DERA: variants seen among roughly 807,000 people sequenced by gnomAD.
DERA encodes the protein 2-deoxy-D-ribose 5-phosphate aldolase.
In DERA, 15 loss-of-function variants were observed where a neutral mutation model predicts 41.1. The ratio of observed to expected loss-of-function variants is 0.37; its 90% CI spans 0.24 to 0.56. DERA has a LOEUF of 0.56. DERA is among the 20% of genes least tolerant of loss of function. DERA has a pLI of 0.81. For synonymous variants in DERA, 139 were observed against 137.4 expected (o/e 1.01, Z -0.08); for missense variants, 396 against 403.4 (o/e 0.98, Z 0.16).
intron 6 of DERA, among the ~76,000 whole-genome samples, chr12:16,022,461 G>A (rs772464407): frequency 4.6e-5 from 7 of 152,092 alleles, no homozygotes; most frequent in African/African-American, 7.2e-5. Flanking sequence ...GACTAACACA[G>A]CATATGTTCA....
intron 7 of DERA, among the ~76,000 whole-genome samples, chr12:16,033,581 TTGTGTGTGTGTGTGTGTGTG>T (rs146182174): frequency 1.6e-5 from 2 of 127,710 alleles, no homozygotes; most frequent in East Asian, 2.2e-4. Flanking sequence ...GAGAGCAAGG[TTGTGTGTGTGTGTGTGTGTG>T]TGTGTGTGTG....
chr12:15,943,109 A>C lies in DERA; in HGVS notation c.32-13827A>C, dbSNP rs1565590439. Among the ~76,000 whole-genome samples the C allele has an allele frequency of 6.6e-6, 1 of 152,190 alleles. No homozygotes were observed. The highest frequency in any genetic ancestry group is 2.1e-4 in the South Asian group (1 of 4,830). ...TTCTAATCTGTAAACTCTTCCACAC[A>C]CTTACCTGAGGCTGTTTATGGGTAG... is the stretch of plus-strand genomic sequence containing the variant. On this transcript the variant is annotated intron_variant, in intron 1 of 8. Coordinates refer to ENST00000428559, the MANE Select transcript of DERA (RefSeq NM_015954.4). The surrounding 1 kb of genome is among the most constrained non-coding windows in gnomAD (Gnocchi z 4.5).
chr12:16,023,668 G>C (rs910746608), intron 6 of DERA, among the ~76,000 whole-genome samples: 1 of 151,374 alleles, frequency 6.6e-6, no homozygotes, highest in Non-Finnish European at 1.5e-5. Flanking sequence ...TAGTAGAGAC[G>C]GGGTTTCACC....
chr12:15,979,064 T>C (rs140089630), intron 5 of DERA, among the ~76,000 whole-genome samples: 1 of 152,186 alleles, frequency 6.6e-6, no homozygotes, highest in Non-Finnish European at 1.5e-5. Flanking sequence ...CTCAGGAGAA[T>C]CCACATTTTT....
At chr12:15,937,156 A>G (rs1162723791) in intron 1 of DERA, among the ~76,000 whole-genome samples, 3 of 152,074 alleles carry the variant, frequency 2.0e-5, no homozygotes, top group African/African-American at 7.2e-5. Flanking sequence ...GGGTCTCACC[A>G]TATTGCCCAG....
rs1555150473 is a variant in DERA at position 15,943,705 on chromosome 12, T to TTATA, written c.32-13230_32-13229insATAT. Among the ~76,000 whole-genome samples the TTATA allele has an allele frequency of 3.5e-5, 5 of 144,188 alleles. No homozygotes were observed. Among genetic ancestry groups the TTATA allele is most frequent in the Admixed American group, 1.4e-4 (2 of 14,324 alleles). The allele number at this position is 144,188 out of a possible 152,430, so 94.6% of individuals were successfully genotyped here. On this transcript the variant is annotated intron_variant, in intron 1 of 8. Transcript: ENST00000428559. This position sits in a 1 kb window ranked among gnomAD's most constrained non-coding sequence, Gnocchi z 4.5. ...TGTTTCTTCTTTTTTATTTTTTAAT[T>TTATA]TTTATTTATTTATTTATTTATTTAT...
chr12:15,950,878 C>T (rs78994527), intron 1 of DERA, among the ~76,000 whole-genome samples: 2,265 of 152,346 alleles, frequency 0.015, 50 homozygotes, highest in East Asian at 0.079. Context: ...CTCTCTAGAG[C>T]CTCCAGTGGT....
chr12:15,978,934 G>T (rs1948716037), intron 5 of DERA, among the ~76,000 whole-genome samples: 1 of 152,202 alleles, frequency 6.6e-6, no homozygotes, highest in African/African-American at 2.4e-5. Flanking sequence ...ACTCCGTGAG[G>T]TGTGCATACT....
At chr12:16,024,932 C>T (rs1451624383) in intron 6 of DERA, among the ~76,000 whole-genome samples, 2 of 151,926 alleles carry the variant, frequency 1.3e-5, no homozygotes, top group African/African-American at 4.8e-5. Flanking sequence ...TTATAAGACA[C>T]AGGAGAAAAG....
In DERA at chr12:16,022,138, T is replaced by C. The variant is rs1949020659; in HGVS notation, c.638-10404T>C. On this transcript the variant is annotated intron_variant, in intron 6 of 8. Transcript: ENST00000428559. The stretch of plus-strand genomic sequence containing the variant: ...GGAGGCAGGGCCTGGTGGAAGGTGT[T>C]TGGATCATGGTAGTAGATCCCTCAT... 2.6e-5 allele frequency among the ~76,000 whole-genome samples: 4 copies of C among 152,344 alleles called. No individual in the cohort carries two copies. The South Asian group carries it at 8.3e-4, about 32-fold the overall frequency.
Position 15,965,949 on chromosome 12 carries a change from T to G in DERA, c.508+3002T>G, listed in dbSNP as rs1948619616. Reference sequence around the variant, plus strand: ...ATTCTTTCTTCCGTGTCATCAGCCTTTCTGCCAGCTCATTCCCATTAAGCA... The same window carrying G: ...ATTCTTTCTTCCGTGTCATCAGCCTGTCTGCCAGCTCATTCCCATTAAGCA... On this transcript the variant is annotated intron_variant, in intron 5 of 8. Coordinates refer to ENST00000428559, the MANE Select transcript of DERA (RefSeq NM_015954.4). This position sits in a 1 kb window ranked among gnomAD's most constrained non-coding sequence, Gnocchi z 4.1. 6.6e-6 allele frequency among the ~76,000 whole-genome samples: 1 copy of G among 152,222 alleles called. No homozygotes were observed. The highest frequency in any genetic ancestry group is 2.4e-5 in the African/African-American group (1 of 41,462).
rs1359106465 is a variant in DERA at position 15,928,796 on chromosome 12, T to A, written c.31+17382T>A. ...GTTGGTACCAAGGAATGACCCTTTA[T>A]ATGTGCAGTTTAAAATGTTTAACCA... On this transcript the variant is annotated intron_variant, in intron 1 of 8. Transcript: ENST00000428559. This position sits in a 1 kb window ranked among gnomAD's most constrained non-coding sequence, Gnocchi z 4.6. 1.3e-5 allele frequency among the ~76,000 whole-genome samples: 2 copies of A among 152,242 alleles called. No individual in the cohort carries two copies. Among genetic ancestry groups the A allele is most frequent in the African/African-American group, 4.8e-5 (2 of 41,466 alleles).
At chr12:15,952,997 T>G (rs1402671449) in intron 1 of DERA, among the ~76,000 whole-genome samples, 7 of 152,208 alleles carry the variant, frequency 4.6e-5, no homozygotes, top group Non-Finnish European at 1.0e-4. Flanking sequence ...AATTCTAAGT[T>G]GTGGGTGCCT....
chr12:15,949,591 A>T (rs1300095735), intron 1 of DERA, among the ~76,000 whole-genome samples: 5 of 152,168 alleles, frequency 3.3e-5, no homozygotes, highest in Non-Finnish European at 7.4e-5. Flanking sequence ...TCCAGGTGCC[A>T]TCTGTCACAG....
At chr12:15,925,864 G>T (rs111576350) in intron 1 of DERA, among the ~76,000 whole-genome samples, 1 of 113,904 alleles carries the variant, frequency 8.8e-6, no homozygotes, top group African/African-American at 3.5e-5. Flanking sequence ...GTCTTACTCT[G>T]TCACCCAGGC....
At position 16,019,762 on chromosome 12, in the gene DERA, C is replaced by T. The variant is rs1592053535; in HGVS notation, c.638-12780C>T. Among the ~76,000 whole-genome samples, 2 of 152,208 alleles carry T rather than the reference C, an allele frequency of 1.3e-5. No homozygotes were observed. Among genetic ancestry groups the T allele is most frequent in the South Asian group, 4.2e-4 (2 of 4,812 alleles). On this transcript the variant is annotated intron_variant, in intron 6 of 8. Coordinates refer to ENST00000428559, the MANE Select transcript of DERA (RefSeq NM_015954.4). This position sits in a 1 kb window ranked among gnomAD's most constrained non-coding sequence, Gnocchi z 4.4. ...TCTAGCTAAAGTTATTTCTCTGATC[C>T]TTTGTAATTCTTATTGATCATAATA...
At chr12:16,032,316 G>A (rs1592059529) in intron 6 of DERA, among the ~76,000 whole-genome samples, 1 of 152,188 alleles carries the variant, frequency 6.6e-6, no homozygotes, top group Non-Finnish European at 1.5e-5. Flanking sequence ...AGTATCAGAG[G>A]TCAGTGAGAA....
At position 15,979,190 on chromosome 12, in the gene DERA, A is replaced by G. The variant is rs1439969247; in HGVS notation, c.509-3118A>G. ...AGGAAGACATAAAGAAGCTCACTGA[A>G]TAAGTAGGAAGCCTTGCTTGGAAAA... On this transcript the variant is annotated intron_variant, in intron 5 of 8. Transcript: ENST00000428559. Among the ~76,000 whole-genome samples the G allele has an allele frequency of 2.6e-5, 4 of 152,218 alleles. No individual in the cohort carries two copies. The East Asian group carries it at 7.7e-4, about 29-fold the overall frequency.
chr12:15,926,415 T>C lies in DERA; in HGVS notation c.31+15001T>C, dbSNP rs184019498. ...ATCATAGCAATTTCCACTTCAGATA[T>C]GGTATTTCGAATATGCAGTAGGCAA... On this transcript the variant is annotated intron_variant, in intron 1 of 8. Coordinates refer to ENST00000428559, the MANE Select transcript of DERA (RefSeq NM_015954.4). 1.1e-4 allele frequency among the ~76,000 whole-genome samples: 17 copies of C among 152,174 alleles called. No individual in the cohort carries two copies. In the South Asian group the frequency reaches 2.3e-3, roughly 20 times the overall value.
Sources: gnomAD v4.1 joint callset for allele counts (sites outside exome capture counted in the v4.1 genomes callset) on GRCh38, gnomAD v4.1.1 for gene constraint, Gnocchi (gnomAD v3.1) non-coding constraint, MANE v1.5 for transcripts, NCBI Gene and HGNC (gene_info 2026-07-23, HGNC 2026-07-21) for gene names.